FBXW7: variants seen among roughly 807,000 people sequenced by gnomAD.
The protein encoded by FBXW7 is F-box and WD repeat domain containing 7.
A neutral mutation model predicts 86.3 loss-of-function variants in FBXW7; 11 were observed. The observed-to-expected ratio is 0.13, with a 90% CI of 0.08 to 0.21. The LOEUF is 0.21. Ranked by LOEUF, FBXW7 falls within the 10% of genes least tolerant of loss-of-function variation. The probability of loss-of-function intolerance (pLI) is 1.00; values close to 1 mark genes in which losing one functional copy is unlikely to be tolerated. For missense variants in FBXW7, 488 were observed against 847.4 expected (o/e 0.58, Z 5.27); for synonymous variants, 313 against 297.9 (o/e 1.05, Z -0.52).
intron 2 of FBXW7, among the ~76,000 whole-genome samples, chr4:152,419,553 A>T (rs1026940915): frequency 2.0e-5 from 3 of 147,228 alleles, no homozygotes; most frequent in Non-Finnish European, 4.5e-5. Context: ...GCAAAGTCTT[A>T]AAAAAAATGG....
chr4:152,328,147 A>C, intron 11 of FBXW7, 61 bp downstream of exon 11: 5 of 1,378,342 alleles, frequency 3.6e-6, no homozygotes, highest in Non-Finnish European at 5.0e-6. Context: ...CTACACAGAA[A>C]GGGCCCAAAT....
At chr4:152,434,492 T>A (rs1285879196) in intron 2 of FBXW7, among the ~76,000 whole-genome samples, 2 of 152,216 alleles carry the variant, frequency 1.3e-5, no homozygotes, top group African/African-American at 4.8e-5. Context: ...CTCTATGCCT[T>A]AGTTTACCCC....
chr4:152,357,408 C>G (rs1473193413), intron 4 of FBXW7, among the ~76,000 whole-genome samples: 1 of 151,858 alleles, frequency 6.6e-6, no homozygotes, highest in Non-Finnish European at 1.5e-5. Context: ...GCAACCTCCA[C>G]TTCCTGGGTT....
chr4:152,339,945 C>G (rs965785413), intron 6 of FBXW7, among the ~76,000 whole-genome samples: 4 of 137,048 alleles, frequency 2.9e-5, no homozygotes, highest in African/African-American at 1.1e-4. Context: ...AAAAAAAAAG[C>G]TAATATATGA....
At chr4:152,502,209 CT>C (rs1747021012) in intron 2 of FBXW7, among the ~76,000 whole-genome samples, 1 of 152,104 alleles carries the variant, frequency 6.6e-6, no homozygotes. Flanking sequence ...GAGTTTTTAG[CT>C]TTATTTAGTT....
chr4:152,466,035 T>C (rs1019200308), intron 2 of FBXW7, among the ~76,000 whole-genome samples: 2 of 152,032 alleles, frequency 1.3e-5, no homozygotes, highest in South Asian at 2.1e-4. Context: ...AAGGTAAGAA[T>C]AGTCAATTCC....
At chr4:152,530,925 T>C (rs1056853487) in intron 2 of FBXW7, 3 of 152,218 alleles carry the variant, frequency 2.0e-5, no homozygotes, top group African/African-American at 7.2e-5. Flanking sequence ...ACTGGCCCTT[T>C]ACAAAAATAG....
At chr4:152,345,200 T>C (rs1038879155) in intron 6 of FBXW7, among the ~76,000 whole-genome samples, 11 of 152,044 alleles carry the variant, frequency 7.2e-5, no homozygotes, top group South Asian at 2.1e-4. Context: ...TTTAAAAGGA[T>C]GGGACAAAAT....
intron 2 of FBXW7, among the ~76,000 whole-genome samples, chr4:152,497,745 G>T (rs1241534397): frequency 6.6e-6 from 1 of 152,108 alleles, no homozygotes; most frequent in East Asian, 1.9e-4. Context: ...CCTGAACCCT[G>T]TGATTCAGCA....
At chr4:152,340,790 C>T (rs982692870) in intron 6 of FBXW7, among the ~76,000 whole-genome samples, 3 of 152,032 alleles carry the variant, frequency 2.0e-5, no homozygotes, top group Non-Finnish European at 4.4e-5. Context: ...TATGTTGTTG[C>T]TTTTTCAACA....
intron 2 of FBXW7, among the ~76,000 whole-genome samples, chr4:152,497,632 G>A (rs1436453621): frequency 6.6e-6 from 1 of 151,932 alleles, no homozygotes; most frequent in Non-Finnish European, 1.5e-5. Flanking sequence ...ATCATAGCTA[G>A]ATAAAATTAA....
intron 2 of FBXW7, among the ~76,000 whole-genome samples, chr4:152,467,467 TAAC>T (rs1184079233): frequency 6.6e-6 from 1 of 152,158 alleles, no homozygotes; most frequent in African/African-American, 2.4e-5. Context: ...AACGGACTAA[TAAC>T]ATCTATTAAG....
chr4:152,527,588 G>C (rs1749629128), intron 2 of FBXW7, among the ~76,000 whole-genome samples: 1 of 152,114 alleles, frequency 6.6e-6, no homozygotes, highest in African/African-American at 2.4e-5. Flanking sequence ...GGGCAATATA[G>C]TGAGACCCTG....
intron 2 of FBXW7, among the ~76,000 whole-genome samples, chr4:152,446,724 C>T (rs1189031501): frequency 1.3e-5 from 2 of 152,196 alleles, no homozygotes; most frequent in South Asian, 4.1e-4. Flanking sequence ...GTAGTCAACA[C>T]TCTGGTGTTT....
At chr4:152,430,862 C>T (rs529322683) in intron 2 of FBXW7, among the ~76,000 whole-genome samples, 5 of 152,268 alleles carry the variant, frequency 3.3e-5, no homozygotes, top group Middle Eastern at 6.8e-3. Context: ...ACAGCAACTA[C>T]ATTATATTTA....
At chr4:152,417,135 T>G (rs1303938568) in intron 2 of FBXW7, among the ~76,000 whole-genome samples, 1 of 152,130 alleles carries the variant, frequency 6.6e-6, no homozygotes, top group Non-Finnish European at 1.5e-5. Flanking sequence ...ACACAGAAGC[T>G]AATGACTCCC....
chr4:152,348,691 C>T, intron 5 of FBXW7: 1 of 1,162,268 alleles, frequency 8.6e-7, no homozygotes, highest in Non-Finnish European at 1.1e-6. Context: ...CTGGTATCAG[C>T]CATATTAATA....
At chr4:152,495,240 C>T (rs1359611374) in intron 2 of FBXW7, among the ~76,000 whole-genome samples, 1 of 152,100 alleles carries the variant, frequency 6.6e-6, no homozygotes, top group Admixed American at 6.5e-5. Context: ...CGAGATCACC[C>T]TGTCCTACAT....
At chr4:152,490,539 G>A (rs1053053684) in intron 2 of FBXW7, among the ~76,000 whole-genome samples, 1 of 151,984 alleles carries the variant, frequency 6.6e-6, no homozygotes, top group Admixed American at 6.6e-5. Flanking sequence ...GCAAAAAGCA[G>A]ATAACTCAAA....
Sources: allele counts gnomAD v4.1 joint callset (sites outside exome capture counted in the v4.1 genomes callset), GRCh38; gene constraint gnomAD v4.1.1; transcripts MANE v1.5; gene names NCBI Gene and HGNC (gene_info 2026-07-23, HGNC 2026-07-21).